PAK2: variants seen among roughly 807,000 people sequenced by gnomAD.
The protein encoded by PAK2 is p21 (RAC1) activated kinase 2, also known as serine/threonine-protein kinase PAK 2.
In PAK2, 21 loss-of-function variants were observed where a neutral mutation model predicts 65.9. The ratio of observed to expected loss-of-function variants is 0.32; its 90% CI spans 0.23 to 0.46. The LOEUF is 0.46. PAK2 is among the 20% of genes least tolerant of loss of function. The pLI, the probability that PAK2 is intolerant of heterozygous loss-of-function variation, is 1.00. For missense variants in PAK2, 324 were observed against 642.6 expected, an observed-to-expected ratio of 0.50 and a Z score of 5.36; for synonymous variants, 204 against 219.7, an observed-to-expected ratio of 0.93 and a Z score of 0.63.
intron 13 of PAK2, among the ~76,000 whole-genome samples, chr3:196,825,611 C>T (rs1702035259): frequency 6.6e-6 from 1 of 151,986 alleles, no homozygotes; most frequent in South Asian, 2.1e-4. Flanking sequence ...CCATTGCATT[C>T]CAGCCTGGGC....
chr3:196,746,269 ATTATT>A (rs1468947716), intron 1 of PAK2, among the ~76,000 whole-genome samples: 1 of 152,154 alleles, frequency 6.6e-6, no homozygotes, highest in Non-Finnish European at 1.5e-5. Flanking sequence ...GAGAAAGATT[ATTATT>A]TTATTCTGTT....
intron 1 of PAK2, among the ~76,000 whole-genome samples, chr3:196,761,162 T>TTA (rs1553801124): frequency 5.7e-5 from 8 of 140,200 alleles, no homozygotes; most frequent in African/African-American, 1.6e-4. Context: ...TTTTTTTTTT[T>TTA]AATTTATTTT....
chr3:196,811,308 CCCTTCCTTT>C (rs1560113842), intron 8 of PAK2, among the ~76,000 whole-genome samples: 3 of 22,754 alleles, frequency 1.3e-4, no homozygotes, highest in African/African-American at 2.1e-4. Flanking sequence ...TCCCTTCCTT[CCCTTCCTTT>C]CCTTCCTTCC....
chr3:196,827,412 A>G, intron 14 of PAK2, 79 bp downstream of exon 14: 49 of 1,542,318 alleles, frequency 3.2e-5, no homozygotes, highest in Non-Finnish European at 4.3e-5. Flanking sequence ...AGGGCTAATA[A>G]GTAGATTTCA....
chr3:196,812,387 T>C, intron 9 of PAK2, 120 bp downstream of exon 9: 1 of 720,712 alleles, frequency 1.4e-6, no homozygotes, highest in Admixed American at 2.0e-5. Context: ...TAAGAATCGC[T>C]CTACGTATGT....
intron 7 of PAK2, chr3:196,808,185 G>A (rs574656622): frequency 4.1e-5 from 11 of 265,738 alleles, no homozygotes; most frequent in Non-Finnish European, 6.5e-5. Context: ...GGATGTGCTG[G>A]CATGTGCCTG....
At chr3:196,794,835 T>C (rs1715197009) in intron 2 of PAK2, among the ~76,000 whole-genome samples, 1 of 152,096 alleles carries the variant, frequency 6.6e-6, no homozygotes, top group Non-Finnish European at 1.5e-5. Flanking sequence ...CCTTGGGGAC[T>C]CCTCTCTCCC....
Position 196,762,137 on chromosome 3 carries a change from T to G in PAK2, c.-21-20489T>G, listed in dbSNP as rs187814109. ...GAGGCGTCCCCCACATCTCAGACGA[T>G]GGGCGCCCGGGCAGAGACGCTCCTC... On this transcript the variant is annotated intron_variant, in intron 1 of 14. Transcript: ENST00000327134. Among the ~76,000 whole-genome samples, 486 of 96,864 alleles carry G rather than the reference T, an allele frequency of 5.0e-3. 37 individuals carry two copies. Among genetic ancestry groups the G allele is most frequent in the African/African-American group, 0.018 (466 of 26,194 alleles). The allele number at this position is 96,864 out of a possible 152,430, so 63.5% of individuals were successfully genotyped here. A position where few individuals can be genotyped will look rare whatever the true frequency, so the allele number is the denominator to read the frequency against.
At chr3:196,824,304 A>G (rs1390157068) in intron 13 of PAK2, among the ~76,000 whole-genome samples, 1 of 152,218 alleles carries the variant, frequency 6.6e-6, no homozygotes, top group African/African-American at 2.4e-5. Context: ...GCATATTGGT[A>G]GGAATACAGA....
intron 1 of PAK2, among the ~76,000 whole-genome samples, chr3:196,748,307 C>T (rs577751032): frequency 6.6e-6 from 1 of 152,168 alleles, no homozygotes; most frequent in Non-Finnish European, 1.5e-5. Flanking sequence ...GTATATTTGG[C>T]ACAGTCAGTG....
Position 196,827,246 on chromosome 3 carries a change from G to A in PAK2, c.1401G>A (p.Glu467=). The change falls in exon 14 of 15, where the codon GAG becomes GAA. Residue 467 remains glutamate, a synonymous_variant. Coordinates refer to ENST00000327134, the MANE Select transcript of PAK2 (RefSeq NM_002577.4). The part of the protein sequence containing the change: ...TNGTPELQNP[E]KLSPIFRDFL... ...GAACCCCAGAACTTCAGAATCCAGA[G>A]AAACTTTCCCCAATATTTCGGGATT... 1.2e-6 allele frequency: 2 copies of A among 1,611,288 alleles called. No individual in the cohort carries two copies. Among genetic ancestry groups the A allele is most frequent in the Middle Eastern group, 1.7e-4 (1 of 6,038 alleles).
intron 14 of PAK2, 29 bp from the exon 15 acceptor site, chr3:196,828,290 A>G: frequency 7.6e-7 from 1 of 1,323,848 alleles, no homozygotes. Context: ...TGGCACTTAT[A>G]CATTTATTTT....
intron 1 of PAK2, chr3:196,747,115 T>G (rs1372169226): frequency 6.6e-6 from 1 of 152,102 alleles, no homozygotes; most frequent in African/African-American, 2.4e-5. Context: ...ATTGGTTTTT[T>G]TTTGTTTGTT....
chr3:196,812,945 G>T, intron 10 of PAK2, 94 bp downstream of exon 10: 1 of 624,226 alleles, frequency 1.6e-6, no homozygotes. Flanking sequence ...GGAATAAACT[G>T]TCAGTGCCGA....
chr3:196,774,337 T>G (rs539536939), intron 1 of PAK2, among the ~76,000 whole-genome samples: 8 of 151,984 alleles, frequency 5.3e-5, no homozygotes, highest in South Asian at 2.1e-4. Flanking sequence ...GGTAAGTTGG[T>G]TTTTTTTCAC....
At chr3:196,803,187 G>T in intron 4 of PAK2, 23 bp downstream of exon 4, 1 of 1,556,030 alleles carries the variant, frequency 6.4e-7, no homozygotes, top group East Asian at 2.3e-5. Flanking sequence ...CATAAGGCTG[G>T]ATCAGATGGA....
intron 1 of PAK2, among the ~76,000 whole-genome samples, chr3:196,772,625 C>T (rs13316496): frequency 1.3e-5 from 2 of 152,166 alleles, no homozygotes; most frequent in Admixed American, 6.5e-5. Flanking sequence ...GTCACCGTCA[C>T]CACATGAGAA....
intron 1 of PAK2, among the ~76,000 whole-genome samples, chr3:196,764,710 C>T (rs1000208072): frequency 1.3e-5 from 2 of 151,696 alleles, no homozygotes; most frequent in African/African-American, 2.4e-5. Flanking sequence ...TTTAAAATAG[C>T]GTCTTGCCAC....
intron 1 of PAK2, chr3:196,747,338 G>A (rs1713420006): frequency 6.6e-6 from 1 of 152,062 alleles, no homozygotes; most frequent in Non-Finnish European, 1.5e-5. Flanking sequence ...TCATTTTAAT[G>A]TCTTTTAATA....
Sources: allele counts gnomAD v4.1 joint callset (sites outside exome capture counted in the v4.1 genomes callset), GRCh38; gene constraint gnomAD v4.1.1; transcripts MANE v1.5; gene names NCBI Gene and HGNC (gene_info 2026-07-23, HGNC 2026-07-21).